PPP2R5E: variants seen among roughly 807,000 people sequenced by gnomAD.
PPP2R5E encodes protein phosphatase 2 regulatory subunit B'epsilon.
In PPP2R5E, 4 loss-of-function variants were observed where a neutral mutation model predicts 65.3. The observed-to-expected ratio is 0.06, with a 90% CI of 0.03 to 0.14. The LOEUF is 0.14. Among genes scored for constraint, PPP2R5E ranks in the 10% least tolerant of loss-of-function variants. The probability of loss-of-function intolerance (pLI) is 1.00; values close to 1 mark genes in which losing one functional copy is unlikely to be tolerated. For missense variants in PPP2R5E, 274 were observed against 556.1 expected (o/e 0.49, Z 5.10); for synonymous variants, 183 against 187.4 (o/e 0.98, Z 0.19).
At chr14:63,519,267 A>G (rs1320894360) in intron 2 of PPP2R5E, among the ~76,000 whole-genome samples, 1 of 152,180 alleles carries the variant, frequency 6.6e-6, no homozygotes, top group Non-Finnish European at 1.5e-5. Flanking sequence ...ATTCCTTATG[A>G]CTGGGTAGGG....
intron 2 of PPP2R5E, among the ~76,000 whole-genome samples, chr14:63,489,226 A>G (rs986746797): frequency 6.6e-6 from 1 of 152,060 alleles, no homozygotes; most frequent in African/African-American, 2.4e-5. Flanking sequence ...TAGGCTCACC[A>G]AAGAAGATTT....
At chr14:63,429,676 T>TTTTTTG (rs1382327240) in intron 3 of PPP2R5E, among the ~76,000 whole-genome samples, 1 of 151,188 alleles carries the variant, frequency 6.6e-6, no homozygotes, top group Non-Finnish European at 1.5e-5. Flanking sequence ...TTTGTTTTTG[T>TTTTTTG]TTTTTGTTTT....
At chr14:63,469,279 A>T (rs1223809774) in intron 2 of PPP2R5E, among the ~76,000 whole-genome samples, 1 of 152,244 alleles carries the variant, frequency 6.6e-6, no homozygotes, top group African/African-American at 2.4e-5. Context: ...TTACAAAAAA[A>T]GGTACAAGAA....
intron 2 of PPP2R5E, among the ~76,000 whole-genome samples, chr14:63,490,228 T>C (rs1891217017): frequency 6.6e-6 from 1 of 151,976 alleles, no homozygotes; most frequent in Admixed American, 6.6e-5. Context: ...TGGCTAACCA[T>C]ATGCAGAACG....
intron 2 of PPP2R5E, among the ~76,000 whole-genome samples, chr14:63,504,962 T>G (rs149258349): frequency 6.6e-6 from 1 of 152,356 alleles, no homozygotes; most frequent in East Asian, 1.9e-4. Context: ...CATTAAGGAC[T>G]AAAGTAATCA....
intron 3 of PPP2R5E, among the ~76,000 whole-genome samples, chr14:63,430,361 A>ACATG (rs1566696321): frequency 7.5e-6 from 1 of 133,438 alleles, no homozygotes; most frequent in African/African-American, 3.4e-5. Context: ...ATACATACAT[A>ACATG]CATACATACA....
At chr14:63,521,935 G>GCTGCC (rs1242196207) in intron 2 of PPP2R5E, among the ~76,000 whole-genome samples, 1 of 144,240 alleles carries the variant, frequency 6.9e-6, no homozygotes, top group South Asian at 2.2e-4. Context: ...AAGGTTACAC[G>GCTGCC]CTGCCCTCCC....
intron 3 of PPP2R5E, among the ~76,000 whole-genome samples, chr14:63,426,699 CAAAAA>C (rs1191603099): frequency 2.4e-4 from 13 of 54,794 alleles, no homozygotes; most frequent in African/African-American, 4.9e-4. Flanking sequence ...AAAGGCTTAT[CAAAAA>C]AAAAAAAAAA....
chr14:63,472,707 G>T (rs536947083), intron 2 of PPP2R5E, among the ~76,000 whole-genome samples: 1 of 152,392 alleles, frequency 6.6e-6, no homozygotes, highest in Non-Finnish European at 1.5e-5. Flanking sequence ...GCACAGAGGT[G>T]AGAGTGAGCA....
At chr14:63,460,907 GATAA>G (rs144610477) in intron 2 of PPP2R5E, among the ~76,000 whole-genome samples, 1,882 of 152,250 alleles carry the variant, frequency 0.012, 37 homozygotes, top group African/African-American at 0.043. Context: ...CATGCACACT[GATAA>G]ATGACACACA....
chr14:63,468,776 A>T (rs1156841533), intron 2 of PPP2R5E, among the ~76,000 whole-genome samples: 2 of 152,252 alleles, frequency 1.3e-5, no homozygotes, highest in East Asian at 3.8e-4. Context: ...TAATACTTAT[A>T]TATACTAACT....
At chr14:63,388,919 T>A (rs1884840747) in intron 11 of PPP2R5E, among the ~76,000 whole-genome samples, 1 of 152,060 alleles carries the variant, frequency 6.6e-6, no homozygotes, top group Non-Finnish European at 1.5e-5. Context: ...TAACGTGTGC[T>A]CCCCCAGTTT....
chr14:63,485,201 A>G (rs1450705732), intron 2 of PPP2R5E, among the ~76,000 whole-genome samples: 1 of 151,754 alleles, frequency 6.6e-6, no homozygotes, highest in Admixed American at 6.6e-5. Flanking sequence ...TCATTTAAAA[A>G]AAAAAAAAAA....
In PPP2R5E at chr14:63,522,664, T is replaced by C. The variant is rs1246749424; in HGVS notation, c.157+16865A>G. Among the ~76,000 whole-genome samples, 5 of 146,692 alleles carry C rather than the reference T, an allele frequency of 3.4e-5. No homozygotes were observed. The South Asian group carries it at 6.5e-4, about 19-fold the overall frequency. On this transcript the variant is annotated intron_variant, in intron 2 of 13. Coordinates refer to ENST00000337537, the MANE Select transcript of PPP2R5E (RefSeq NM_006246.5). ...CCGTCTGGGAGGAGAGGAGCGTCTC[T>C]GCCCGGCCGCGACCCCGTCTGGGAG...
At chr14:63,385,935 T>C (rs940456026) in intron 11 of PPP2R5E, among the ~76,000 whole-genome samples, 2 of 152,198 alleles carry the variant, frequency 1.3e-5, no homozygotes, top group Non-Finnish European at 2.9e-5. Context: ...TGCTATCAAC[T>C]GGCTCTAATT....
At chr14:63,388,183 C>A (rs1375032573) in intron 11 of PPP2R5E, among the ~76,000 whole-genome samples, 1 of 151,356 alleles carries the variant, frequency 6.6e-6, no homozygotes, top group Non-Finnish European at 1.5e-5. Flanking sequence ...TCTTGTTGCC[C>A]AGGCTGGAGT....
chr14:63,491,794 CAG>C, intron 2 of PPP2R5E, among the ~76,000 whole-genome samples: 1 of 152,118 alleles, frequency 6.6e-6, no homozygotes, highest in African/African-American at 2.4e-5. Flanking sequence ...TTGCAGTGAG[CAG>C]AGATTGCACC....
intron 2 of PPP2R5E, among the ~76,000 whole-genome samples, chr14:63,517,366 C>CCA (rs1389265721): frequency 1.3e-5 from 2 of 151,906 alleles, no homozygotes; most frequent in Non-Finnish European, 2.9e-5. Context: ...AGATTTGGGC[C>CCA]CACAGGAATG....
chr14:63,420,524 G>A (rs1886945922), intron 4 of PPP2R5E, among the ~76,000 whole-genome samples: 1 of 152,136 alleles, frequency 6.6e-6, no homozygotes, highest in African/African-American at 2.4e-5. Flanking sequence ...AGCATTGGAG[G>A]CAGGAATACA....
Sources: allele counts gnomAD v4.1 joint callset (sites outside exome capture counted in the v4.1 genomes callset), GRCh38; gene constraint gnomAD v4.1.1; transcripts MANE v1.5; gene names NCBI Gene and HGNC (gene_info 2026-07-23, HGNC 2026-07-21).